ATP6V1B1: variants seen among roughly 807,000 people sequenced by gnomAD.
ATP6V1B1 encodes ATPase H+ transporting V1 subunit B1, also known as V-type proton ATPase subunit B, kidney isoform.
In ATP6V1B1, 41 loss-of-function variants were observed where a neutral mutation model predicts 62.1. The ratio of observed to expected loss-of-function variants is 0.66; its 90% CI spans 0.51 to 0.86. The LOEUF (loss-of-function observed/expected upper bound fraction) is 0.86. Among genes scored for constraint, ATP6V1B1 ranks in the 40% least tolerant of loss-of-function variants. ATP6V1B1 has a pLI of 0.00. For missense variants in ATP6V1B1, 651 were observed against 697.5 expected (o/e 0.93, Z 0.75); for synonymous variants, 253 against 273.4 (o/e 0.93, Z 0.74).
At chr2:70,941,523 C>G in intron 1 of ATP6V1B1, 1 of 926,370 alleles carries the variant, frequency 1.1e-6, no homozygotes, top group East Asian at 1.2e-4. Context: ...CCAGTCTGGT[C>G]TTCCCTCCCA....
chr2:70,965,276 C>G lies in ATP6V1B1; in HGVS notation c.*155C>G. On this transcript the variant is annotated 3_prime_UTR_variant, in exon 14 of 14. Coordinates refer to ENST00000234396, the MANE Select transcript of ATP6V1B1 (RefSeq NM_001692.4). ...GGCGCCGCACGCTCCATCCCTTTCCCTCGCTCGATTCCTTTTCCCGCGCTC... is the reference window on the plus strand; with the variant it reads ...GGCGCCGCACGCTCCATCCCTTTCCGTCGCTCGATTCCTTTTCCCGCGCTC... 1 of 1,082,786 alleles carries G rather than the reference C, an allele frequency of 9.2e-7. No homozygotes were observed. The highest frequency in any genetic ancestry group is 2.4e-5 in the Admixed American group (1 of 41,948). The allele number at this position is 1,082,786 out of a possible 1,614,324, so 67.1% of individuals were successfully genotyped here.
intron 1 of ATP6V1B1, 137 bp from the exon 2 acceptor site, chr2:70,943,521 C>T (rs1374155122): frequency 4.4e-6 from 4 of 918,988 alleles, no homozygotes; most frequent in Admixed American, 4.0e-5. Flanking sequence ...CTGGCCCTGT[C>T]ACAGCTAATG....
Position 70,938,751 on chromosome 2 carries a change from TC to T in ATP6V1B1, c.118+2681del, listed in dbSNP as rs1412736146. On this transcript the variant is annotated intron_variant, in intron 1 of 13. Coordinates refer to ENST00000234396, the MANE Select transcript of ATP6V1B1 (RefSeq NM_001692.4). ...TTGGCTCCCGGCTGGGGAGGAGGTA[TC>T]CTGGAGCTTCATCTGTTTGGGCAGA... 9 of 985,206 alleles carry T rather than the reference TC, an allele frequency of 9.1e-6. No homozygotes were observed. In the African/African-American group the frequency reaches 1.6e-4, roughly 17 times the overall value. The allele number at this position is 985,206 out of a possible 1,614,324, so 61.0% of individuals were successfully genotyped here.
intron 8 of ATP6V1B1, 77 bp from the exon 9 acceptor site, chr2:70,962,700 C>G: frequency 6.3e-7 from 1 of 1,598,936 alleles, no homozygotes; most frequent in African/African-American, 1.3e-5. Context: ...CCCAGTTCAC[C>G]TTGCGCTCAG....
intron 6 of ATP6V1B1, among the ~76,000 whole-genome samples, chr2:70,960,684 G>A (rs1001281431): frequency 1.3e-5 from 2 of 152,212 alleles, no homozygotes; most frequent in Admixed American, 6.5e-5. Flanking sequence ...CCCATAAAGA[G>A]GCAGTTGCTC....
Position 70,936,065 on chromosome 2 carries a change from C to G in ATP6V1B1, c.111C>G (p.Pro37=). The G allele has an allele frequency of 6.2e-7, 1 of 1,614,026 alleles. No individual in the cohort carries two copies. Among genetic ancestry groups the G allele is most frequent in the African/African-American group, 1.3e-5 (1 of 75,054 alleles). ...TCACCCGAAACTACATCACCCACCC[C>G]CGTGTCAGTGAGTAGCCCCTCCACC... ...QAVTRNYITH[P]RVTYRTVCSV... The change falls in exon 1 of 14, where the codon CCC becomes CCG. Residue 37 remains proline, a synonymous_variant. Coordinates refer to ENST00000234396, the MANE Select transcript of ATP6V1B1 (RefSeq NM_001692.4).
chr2:70,962,922 G>A (rs782660403), intron 9 of ATP6V1B1, 22 bp downstream of exon 9: 6 of 1,613,576 alleles, frequency 3.7e-6, no homozygotes, highest in African/African-American at 2.7e-5. Flanking sequence ...AGCAAGGGGT[G>A]TCAGATTCCT....
At chr2:70,938,812 G>T in intron 1 of ATP6V1B1, 1 of 984,402 alleles carries the variant, frequency 1.0e-6, no homozygotes. Context: ...GTGCCCAGCA[G>T]GAGCAAAGGT....
chr2:70,944,758 C>CTCCAGG (rs1553417038), intron 2 of ATP6V1B1, among the ~76,000 whole-genome samples: 1 of 151,768 alleles, frequency 6.6e-6, no homozygotes, highest in Non-Finnish European at 1.5e-5. Flanking sequence ...AAGCTCCGCC[C>CTCCAGG]TCCAGGTTCA....
At chr2:70,955,887 A>T (rs1033732934) in intron 2 of ATP6V1B1, 2 of 153,832 alleles carry the variant, frequency 1.3e-5, no homozygotes, top group Non-Finnish European at 1.5e-5. Flanking sequence ...GTTTATTATA[A>T]TTTTTTTTTT....
Position 70,958,540 on chromosome 2 carries a change from C to T in ATP6V1B1, c.367+114C>T, listed in dbSNP as rs1295658655. The T allele has an allele frequency of 3.3e-5, 34 of 1,028,188 alleles. No homozygotes were observed. In the Admixed American group the frequency reaches 4.5e-4, roughly 14 times the overall value. 63.7% of individuals were successfully genotyped at this position (1,028,188 alleles called of 1,614,324 possible). A position where few individuals can be genotyped will look rare whatever the true frequency, so the allele number is the denominator to read the frequency against. On this transcript the variant is annotated intron_variant, in intron 4 of 13. Transcript: ENST00000234396. Reference sequence around the variant, plus strand: ...CACTTCCTGTTTACTTCCTGCCTGTCTCTCTGGTGGGCTCTTTGAGGTCTG... The same window carrying T: ...CACTTCCTGTTTACTTCCTGCCTGTTTCTCTGGTGGGCTCTTTGAGGTCTG...
intron 2 of ATP6V1B1, among the ~76,000 whole-genome samples, chr2:70,954,513 G>C (rs1553418718): frequency 6.6e-6 from 1 of 152,152 alleles, no homozygotes; most frequent in East Asian, 1.9e-4. Context: ...TGTTATTTCA[G>C]TTTTGATTGC....
In ATP6V1B1 at chr2:70,958,321, T is replaced by C. The variant is rs1553419429; in HGVS notation, c.274-12T>C. The C allele has an allele frequency of 2.5e-6, 4 of 1,614,040 alleles. No homozygotes were observed. Among genetic ancestry groups the C allele is most frequent in the Admixed American group, 1.7e-5 (1 of 60,030 alleles). ...GGCCCCTTAGTGGAGAAACTCCCTC[T>C]TGTTCCCACAGGTGTTTGAAGGGAC... On this transcript the variant is annotated splice_polypyrimidine_tract_variant and intron_variant, in intron 3 of 13. Transcript: ENST00000234396.
At chr2:70,939,179 C>CG (rs1412181036) in intron 1 of ATP6V1B1, 1 of 152,326 alleles carries the variant, frequency 6.6e-6, no homozygotes, top group Admixed American at 6.5e-5. Context: ...GTGGGCCGCG[C>CG]GGGGGCCCCG....
intron 1 of ATP6V1B1, chr2:70,941,312 G>A: frequency 1.0e-6 from 1 of 985,580 alleles, no homozygotes. Flanking sequence ...CCTCCTGGAG[G>A]TGACAGGTCT....
At chr2:70,936,515 T>C (rs1022100068) in intron 1 of ATP6V1B1, among the ~76,000 whole-genome samples, 20 of 152,054 alleles carry the variant, frequency 1.3e-4, no homozygotes, top group African/African-American at 4.8e-4. Flanking sequence ...GTCAGCGCTC[T>C]CAGCCTGAGG....
chr2:70,943,654 C>T lies in ATP6V1B1; in HGVS notation c.119-4C>T. On this transcript the variant is annotated splice_polypyrimidine_tract_variant and splice_region_variant and intron_variant, in intron 1 of 13. Transcript: ENST00000234396. ...ACCCCTACTCACCCCCGCCCCTCCCCCAGCCTACAGGACTGTGTGCAGCGT... is the reference window on the plus strand; with the variant it reads ...ACCCCTACTCACCCCCGCCCCTCCCTCAGCCTACAGGACTGTGTGCAGCGT... 1 of 1,613,842 alleles carries T rather than the reference C, an allele frequency of 6.2e-7. No individual in the cohort carries two copies. The highest frequency in any genetic ancestry group is 8.5e-7 in the Non-Finnish European group (1 of 1,179,934).
intron 1 of ATP6V1B1, chr2:70,941,447 G>A: frequency 5.1e-6 from 5 of 985,434 alleles, no homozygotes; most frequent in Non-Finnish European, 6.0e-6. Flanking sequence ...CTGGGGGCTG[G>A]CACCCCTTGA....
At chr2:70,962,085 T>C (rs888977130) in intron 8 of ATP6V1B1, among the ~76,000 whole-genome samples, 12 of 152,042 alleles carry the variant, frequency 7.9e-5, no homozygotes, top group Non-Finnish European at 2.9e-5. Context: ...TAATAAACTA[T>C]CCTGGGTATT....
Sources: gnomAD v4.1 joint callset for allele counts (sites outside exome capture counted in the v4.1 genomes callset) on GRCh38, gnomAD v4.1.1 for gene constraint, MANE v1.5 for transcripts, NCBI Gene and HGNC (gene_info 2026-07-23, HGNC 2026-07-21) for gene names.